Variants in AAMP observed in about 807,000 individuals in gnomAD.
AAMP encodes the protein angio associated migratory cell protein, also known as angio-associated migratory cell protein.
In AAMP, 12 loss-of-function variants were observed where a neutral mutation model predicts 51.1. The observed-to-expected ratio is 0.23, with a 90% CI of 0.15 to 0.38. The LOEUF is 0.38. Ranked by LOEUF, AAMP falls within the 10% of genes least tolerant of loss-of-function variation. The pLI is 1.00. For synonymous variants in AAMP, 210 were observed against 218.7 expected (o/e 0.96, Z 0.35); for missense variants, 418 against 557.2 (o/e 0.75, Z 2.52).
At position 218,265,531 on chromosome 2, in the gene AAMP, CCCCAGCCCAGGCCCCT is replaced by C; in HGVS notation, c.983+32_983+47del. ...CACACGCCCTGCCGTCCTCCCGGGC[CCCCAGCCCAGGCCCCT>C]CCCACAAACCCCTTTCCCCATCCTC... On this transcript the variant is annotated intron_variant, in intron 8 of 10. Coordinates refer to ENST00000248450, the MANE Select transcript of AAMP (RefSeq NM_001087.5). The surrounding 1 kb of genome is among the most constrained non-coding windows in gnomAD (Gnocchi z 6.6). The C allele has an allele frequency of 6.3e-7, 1 of 1,595,074 alleles. No individual in the cohort carries two copies. The highest frequency in any genetic ancestry group is 1.1e-5 in the South Asian group (1 of 90,566).
intron 10 of AAMP, 116 bp downstream of exon 10, chr2:218,264,904 T>C (rs1690585348): frequency 1.3e-6 from 2 of 1,515,948 alleles, no homozygotes. Flanking sequence ...CCCTCAGGCT[T>C]CTCTGCATTC....
At position 218,265,419 on chromosome 2, in the gene AAMP, G is replaced by A. The variant is rs774842050; in HGVS notation, c.1026C>T (p.Ala342=). 74 of 1,564,476 alleles carry A rather than the reference G, an allele frequency of 4.7e-5. No individual in the cohort carries two copies. Among genetic ancestry groups the A allele is most frequent in the Non-Finnish European group, 6.3e-5 (73 of 1,153,594 alleles). Residue 342 remains alanine, a synonymous_variant, in exon 9 of 11, where the codon GCC becomes GCT. Coordinates refer to ENST00000248450, the MANE Select transcript of AAMP (RefSeq NM_001087.5). The surrounding 1 kb of genome is among the most constrained non-coding windows in gnomAD (Gnocchi z 6.6). The stretch of plus-strand genomic sequence containing the variant: ...GAGTCTGCGTAGCCAGGTCATAGAT[G>A]GCCAAGGTCCCATCCAGGTAGCCAA... ...AAVGYLDGTL[A]IYDLATQTLR...
At chr2:218,269,235 C>T in intron 2 of AAMP, 147 bp downstream of exon 2, 1 of 1,039,560 alleles carries the variant, frequency 9.6e-7, no homozygotes, top group Non-Finnish European at 1.4e-6. Context: ...ATCCATTCTG[C>T]CACACTTTCC....
Position 218,266,138 on chromosome 2 carries a change from G to C in AAMP, c.689C>G (p.Ala230Gly). The change falls in exon 6 of 11, where the codon GCT becomes GGT. Residue 230 changes from alanine to glycine, a missense_variant. Ala to Gly is a moderately conservative substitution (Grantham distance 60). Coordinates refer to ENST00000248450, the MANE Select transcript of AAMP (RefSeq NM_001087.5). This position sits in a 1 kb window ranked among gnomAD's most constrained non-coding sequence, Gnocchi z 4.7. Reference protein sequence around the residue: ...CGRVLPDGKRAVVGYEDGTIR... With the variant: ...CGRVLPDGKRGVVGYEDGTIR... ...GGTCCCATCTTCATAGCCTACCACA[G>C]CTCTCTTCCCTGAAGAGAGGCACAG... The C allele has an allele frequency of 6.2e-7, 1 of 1,614,058 alleles. No individual in the cohort carries two copies. The highest frequency in any genetic ancestry group is 8.5e-7 in the Non-Finnish European group (1 of 1,179,958).
rs751082045 is a variant in AAMP, at chr2:218,266,351, C to T, written c.679+92G>A. On this transcript the variant is annotated intron_variant, in intron 5 of 10. Coordinates refer to ENST00000248450, the MANE Select transcript of AAMP (RefSeq NM_001087.5). The surrounding 1 kb of genome is among the most constrained non-coding windows in gnomAD (Gnocchi z 4.7). The stretch of plus-strand genomic sequence containing the variant: ...GCAAACAGCAGGCCTCAGATTTTGC[C>T]GGCTGTGACCCAGAAGGCTGCTCTG... The T allele has an allele frequency of 2.5e-5, 39 of 1,539,694 alleles. No homozygotes were observed. The highest frequency in any genetic ancestry group is 4.1e-5 in the African/African-American group (3 of 73,102).
At chr2:218,268,188 C>T (rs980264665) in intron 2 of AAMP, among the ~76,000 whole-genome samples, 6 of 151,422 alleles carry the variant, frequency 4.0e-5, no homozygotes, top group African/African-American at 1.2e-4. Flanking sequence ...AGGCTGGTCT[C>T]GAACTCCTAA....
chr2:218,265,651 G>A lies in AAMP; in HGVS notation c.911C>T (p.Ala304Val). The change falls in exon 8 of 11, where the codon GCC becomes GTC. Residue 304 changes from alanine to valine, a missense_variant. By Grantham distance (64) the Ala-to-Val change is moderately conservative (BLOSUM62 0). Coordinates refer to ENST00000248450, the MANE Select transcript of AAMP (RefSeq NM_001087.5). This position sits in a 1 kb window ranked among gnomAD's most constrained non-coding sequence, Gnocchi z 6.6. ...VVGVFRPETV[A>V]SQPSLGEGEE... ...CCCTTCTCCCAGGCTGGGCTGGGAGGCCACAGTCTCAGGTCTAAAAACACC... is the reference window on the plus strand; with the variant it reads ...CCCTTCTCCCAGGCTGGGCTGGGAGACCACAGTCTCAGGTCTAAAAACACC... The A allele has an allele frequency of 6.2e-7, 1 of 1,613,484 alleles. No individual in the cohort carries two copies. Among genetic ancestry groups the A allele is most frequent in the Admixed American group, 1.7e-5 (1 of 60,026 alleles).
rs760752361 is a variant in AAMP at position 218,265,710 on chromosome 2, A to G, written c.880-28T>C. 5 of 1,605,162 alleles carry G rather than the reference A, an allele frequency of 3.1e-6. No individual in the cohort carries two copies. Among genetic ancestry groups the G allele is most frequent in the Admixed American group, 1.7e-5 (1 of 60,006 alleles). On this transcript the variant is annotated intron_variant, in intron 7 of 10. Transcript: ENST00000248450. The surrounding 1 kb of genome is among the most constrained non-coding windows in gnomAD (Gnocchi z 6.6). ...GAAAGCCAGAGAGGATCAGAGGAGG[A>G]CACGGAATCCGGGTGCTTGATGGAG...
chr2:218,266,073 C>T lies in AAMP; in HGVS notation c.754G>A (p.Val252Ile), dbSNP rs1415168084. The change falls in exon 6 of 11, where the codon GTA becomes ATA. Residue 252 changes from valine (V) to isoleucine (I), a missense_variant. Physicochemically the swap from Val to Ile is conservative, Grantham distance 29. Coordinates refer to ENST00000248450, the MANE Select transcript of AAMP (RefSeq NM_001087.5). The surrounding 1 kb of genome is among the most constrained non-coding windows in gnomAD (Gnocchi z 4.7). ...CCCCCACCTCTGATACCTTTCAGTA[C>T]ATGGATAGGGCTTCCCTGCTTCAGG... ...WDLKQGSPIH[V>I]LKGTEGHQGP... 6.2e-7 allele frequency: 1 copy of T among 1,614,034 alleles called. No homozygotes were observed. Among genetic ancestry groups the T allele is most frequent in the East Asian group, 2.2e-5 (1 of 44,892 alleles).
At position 218,270,109 on chromosome 2, in the gene AAMP, T is replaced by C. The variant is rs777041014; in HGVS notation, c.-23A>G. On this transcript the variant is annotated 5_prime_UTR_variant, in exon 1 of 11. Coordinates refer to ENST00000248450, the MANE Select transcript of AAMP (RefSeq NM_001087.5). ...CATGCGGCGCAAGCGGCGGATCCACTTCTCTGGGCCCAAACGCCTCCCAGA... is the reference window on the plus strand; with the variant it reads ...CATGCGGCGCAAGCGGCGGATCCACCTCTCTGGGCCCAAACGCCTCCCAGA... 13 of 1,612,766 alleles carry C rather than the reference T, an allele frequency of 8.1e-6. No individual in the cohort carries two copies. Among genetic ancestry groups the C allele is most frequent in the South Asian group, 2.2e-5 (2 of 91,054 alleles).
chr2:218,267,578 T>C lies in AAMP; in HGVS notation c.310A>G (p.Asn104Asp), dbSNP rs1384507223. 1 of 1,614,140 alleles carries C rather than the reference T, an allele frequency of 6.2e-7. No homozygotes were observed. The highest frequency in any genetic ancestry group is 8.5e-7 in the Non-Finnish European group (1 of 1,180,024). ...VFCVSLDPKTNTLAVTGGEDD... is the reference protein window; with the variant it reads ...VFCVSLDPKTDTLAVTGGEDD... Reference sequence around the variant, plus strand: ...TCACCCCCGGTCACTGCCAAGGTATTGGTCTTGGGGTCCAGGCTCACACAA... The same window carrying C: ...TCACCCCCGGTCACTGCCAAGGTATCGGTCTTGGGGTCCAGGCTCACACAA... The change falls in exon 3 of 11, where the codon AAT (asparagine) becomes GAT (aspartate). Residue 104 changes from asparagine to aspartate, a missense_variant. Coordinates refer to ENST00000248450, the MANE Select transcript of AAMP (RefSeq NM_001087.5). This position sits in a 1 kb window ranked among gnomAD's most constrained non-coding sequence, Gnocchi z 4.6.
At chr2:218,264,720 G>T in intron 10 of AAMP, 112 bp from the exon 11 acceptor site, 1 of 969,990 alleles carries the variant, frequency 1.0e-6, no homozygotes, top group Non-Finnish European at 1.6e-6. Context: ...CTAGTGCCTA[G>T]CACTGGGCCG....
chr2:218,268,715 T>G (rs111615429), intron 2 of AAMP, among the ~76,000 whole-genome samples: 1 of 120,910 alleles, frequency 8.3e-6, no homozygotes, highest in Non-Finnish European at 1.9e-5. Flanking sequence ...TTTTTTTTTT[T>G]GGAGACAGAC....
rs1389570084 is a variant in AAMP, at chr2:218,267,574, G to T, written c.314C>A (p.Thr105Asn). Residue 105 changes from threonine to asparagine, a missense_variant, in exon 3 of 11, where the codon ACC becomes AAC. Thr to Asn is a moderately conservative substitution (Grantham distance 65). Coordinates refer to ENST00000248450, the MANE Select transcript of AAMP (RefSeq NM_001087.5). The surrounding 1 kb of genome is among the most constrained non-coding windows in gnomAD (Gnocchi z 4.6). ...ATCTTCACCCCCGGTCACTGCCAAG[G>T]TATTGGTCTTGGGGTCCAGGCTCAC... ...FCVSLDPKTN[T>N]LAVTGGEDDK... 1.2e-6 allele frequency: 2 copies of T among 1,614,120 alleles called. No individual in the cohort carries two copies. Among genetic ancestry groups the T allele is most frequent in the Non-Finnish European group, 1.7e-6 (2 of 1,180,012 alleles).
rs1480276756 is a variant in AAMP at position 218,265,489 on chromosome 2, T to C, written c.984-28A>G. On this transcript the variant is annotated intron_variant, in intron 8 of 10. Transcript: ENST00000248450. This position sits in a 1 kb window ranked among gnomAD's most constrained non-coding sequence, Gnocchi z 6.6. The stretch of plus-strand genomic sequence containing the variant: ...GGCCAGAGGAGCGTACCATGAAGAC[T>C]CATGAGGGCCTGGACTCACACGCCC... The C allele has an allele frequency of 1.3e-6, 2 of 1,574,472 alleles. No homozygotes were observed. Among genetic ancestry groups the C allele is most frequent in the Non-Finnish European group, 1.7e-6 (2 of 1,151,694 alleles).
rs1690639466 is a variant in AAMP at position 218,266,753 on chromosome 2, G to C, written c.534+94C>G. The C allele has an allele frequency of 5.1e-6, 8 of 1,583,178 alleles. No individual in the cohort carries two copies. Among genetic ancestry groups the C allele is most frequent in the Non-Finnish European group, 6.0e-6 (7 of 1,161,074 alleles). On this transcript the variant is annotated intron_variant, in intron 4 of 10. Coordinates refer to ENST00000248450, the MANE Select transcript of AAMP (RefSeq NM_001087.5). This position sits in a 1 kb window ranked among gnomAD's most constrained non-coding sequence, Gnocchi z 4.7. The stretch of plus-strand genomic sequence containing the variant: ...CCTTGGGGCGCATTGGCTCAGAGCT[G>C]GCTTGGCGCAATAAAGGCAGAACTG...
intron 2 of AAMP, among the ~76,000 whole-genome samples, chr2:218,268,389 A>C (rs1311954122): frequency 6.6e-6 from 1 of 152,016 alleles, no homozygotes; most frequent in Non-Finnish European, 1.5e-5. Context: ...CCCAGGCCGA[A>C]GCGCAGTGGC....
intron 1 of AAMP, 199 bp downstream of exon 1, chr2:218,269,767 A>G (rs1690744732): frequency 1.0e-6 from 1 of 996,450 alleles, no homozygotes; most frequent in Non-Finnish European, 1.5e-6. Flanking sequence ...TGTGAGGGGA[A>G]GGGCCAGAGG....
chr2:218,269,441 C>A lies in AAMP; in HGVS notation c.215G>T (p.Gly72Val), dbSNP rs1355727145. The change falls in exon 2 of 11, where the codon GGG becomes GTG. Residue 72 changes from glycine to valine, a missense_variant. Transcript: ENST00000248450. ...EEGWVLEPQE[G>V]VVGSMEGPDD... ...GGGGCCCTCCATGCTGCCGACCACC[C>A]CTTCCTGGGGTTCTAGAACCCAGCC... 18 of 1,614,238 alleles carry A rather than the reference C, an allele frequency of 1.1e-5. No individual in the cohort carries two copies. Among genetic ancestry groups the A allele is most frequent in the Non-Finnish European group, 1.5e-5 (18 of 1,180,048 alleles).
Sources: allele counts gnomAD v4.1 joint callset (sites outside exome capture counted in the v4.1 genomes callset), GRCh38; gene constraint gnomAD v4.1.1; non-coding constraint Gnocchi (gnomAD v3.1); transcripts MANE v1.5; gene names NCBI Gene and HGNC (gene_info 2026-07-23, HGNC 2026-07-21).